Variants in TMEM45A observed in about 807,000 individuals in gnomAD.
TMEM45A encodes the protein transmembrane protein 45A.
TMEM45A carries 25 observed loss-of-function variants against 32.0 expected under a neutral mutation model. That is an observed-to-expected ratio of 0.78 (90% CI 0.57 to 1.09). TMEM45A has a LOEUF of 1.09. TMEM45A is among the 50% of genes least tolerant of loss of function. The probability of loss-of-function intolerance (pLI) is 0.00; values close to 1 mark genes in which losing one functional copy is unlikely to be tolerated. For synonymous variants in TMEM45A, 122 were observed against 114.8 expected, an observed-to-expected ratio of 1.06 and a Z score of -0.40; for missense variants, 302 against 325.0, an observed-to-expected ratio of 0.93 and a Z score of 0.54.
At chr3:100,540,009 A>G (rs138989211) in intron 1 of TMEM45A, among the ~76,000 whole-genome samples, 10 of 152,384 alleles carry the variant, frequency 6.6e-5, no homozygotes, top group African/African-American at 2.4e-4. Context: ...TAAAACTTCT[A>G]AAAGATAACA....
intron 1 of TMEM45A, among the ~76,000 whole-genome samples, chr3:100,546,730 C>T (rs1315669071): frequency 2.6e-5 from 4 of 152,170 alleles, no homozygotes; most frequent in Non-Finnish European, 5.9e-5. Context: ...GAAGGAGATG[C>T]CTTTTTCCCT....
chr3:100,532,628 AATTGTTC>A lies in TMEM45A; in HGVS notation c.-3-22573_-3-22567del, dbSNP rs148470878. Reference sequence around the variant, plus strand: ...ATTTGATACAGAGCCAGCATTTGATAATTGTTCATTGTTCTTGTTATGGTTGTTATAG... The same window carrying A: ...ATTTGATACAGAGCCAGCATTTGATAATTGTTCTTGTTATGGTTGTTATAG... On this transcript the variant is annotated intron_variant, in intron 1 of 5. Transcript: ENST00000323523. Among the ~76,000 whole-genome samples, 1,882 of 152,244 alleles carry A rather than the reference AATTGTTC, an allele frequency of 0.012. 219 individuals are homozygous for A. In the East Asian group the frequency reaches 0.31, roughly 25 times the overall value.
At chr3:100,511,458 G>C (rs1708158329) in intron 1 of TMEM45A, among the ~76,000 whole-genome samples, 1 of 151,646 alleles carries the variant, frequency 6.6e-6, no homozygotes. Context: ...TGCCCTAAAA[G>C]AGCTCCTGAA....
At chr3:100,519,432 A>G (rs1333477260) in intron 1 of TMEM45A, 4 of 738,278 alleles carry the variant, frequency 5.4e-6, no homozygotes, top group African/African-American at 5.3e-5. Flanking sequence ...TAAGATGTCA[A>G]GTTTCAGCCT....
At chr3:100,543,009 G>C (rs1361308480) in intron 1 of TMEM45A, among the ~76,000 whole-genome samples, 1 of 152,070 alleles carries the variant, frequency 6.6e-6, no homozygotes, top group Non-Finnish European at 1.5e-5. Context: ...AGGTAACAAA[G>C]CTCCACATGT....
intron 1 of TMEM45A, among the ~76,000 whole-genome samples, chr3:100,528,945 G>A (rs1204928327): frequency 6.6e-6 from 1 of 152,124 alleles, no homozygotes; most frequent in Non-Finnish European, 1.5e-5. Flanking sequence ...TTTCATATGA[G>A]GCCTTAAGGG....
chr3:100,574,798 T>A (rs1706647871), intron 5 of TMEM45A: 1 of 152,230 alleles, frequency 6.6e-6, no homozygotes, highest in African/African-American at 2.4e-5. Context: ...GATAATAGAT[T>A]TATGTTGCAG....
rs181673857 is a variant in TMEM45A, at chr3:100,566,959, C to T, written c.589-1863C>T. 3.3e-3 allele frequency among the ~76,000 whole-genome samples: 496 copies of T among 151,634 alleles called. 3 individuals are homozygous for T. The Middle Eastern group carries it at 0.034, about 10-fold the overall frequency. ...TGTCTTTTCATTTTCTTAATAGTGT[C>T]CTTTGAAGCACAAAAGTTAATTTTG... On this transcript the variant is annotated intron_variant, in intron 4 of 5. Transcript: ENST00000323523.
chr3:100,526,011 C>T (rs892275445), intron 1 of TMEM45A, among the ~76,000 whole-genome samples: 11 of 152,190 alleles, frequency 7.2e-5, no homozygotes, highest in African/African-American at 2.2e-4. Flanking sequence ...TGTTCTCTCC[C>T]GCGGCTCTGA....
chr3:100,533,375 C>T (rs993231001), intron 1 of TMEM45A, among the ~76,000 whole-genome samples: 10 of 152,148 alleles, frequency 6.6e-5, no homozygotes, highest in African/African-American at 1.4e-4. Context: ...CTGAGAATCA[C>T]GGCTCTAGTA....
rs115019115 is a variant in TMEM45A at position 100,565,152 on chromosome 3, A to G, written c.589-3670A>G. On this transcript the variant is annotated intron_variant, in intron 4 of 5. Coordinates refer to ENST00000323523, the MANE Select transcript of TMEM45A (RefSeq NM_018004.3). Reference sequence around the variant, plus strand: ...AAGTTGTTGAAGTCCTTGAGTTCCAATCTTTTCCTACGACATACGAGGATG... The same window carrying G: ...AAGTTGTTGAAGTCCTTGAGTTCCAGTCTTTTCCTACGACATACGAGGATG... Among the ~76,000 whole-genome samples the G allele has an allele frequency of 5.0e-3, 765 of 152,250 alleles. 7 individuals are homozygous for G. Among genetic ancestry groups the G allele is most frequent in the African/African-American group, 0.018 (731 of 41,552 alleles).
At chr3:100,568,234 T>C (rs1399634978) in intron 4 of TMEM45A, among the ~76,000 whole-genome samples, 1 of 152,250 alleles carries the variant, frequency 6.6e-6, no homozygotes, top group Non-Finnish European at 1.5e-5. Context: ...AATTTCTATA[T>C]ATAAGATCAT....
chr3:100,563,373 C>G (rs1441864568), intron 4 of TMEM45A, among the ~76,000 whole-genome samples: 1 of 152,174 alleles, frequency 6.6e-6, no homozygotes, highest in African/African-American at 2.4e-5. Flanking sequence ...TTCAGAGATA[C>G]TGGGAGTTAG....
intron 1 of TMEM45A, among the ~76,000 whole-genome samples, chr3:100,522,813 A>G (rs1367326986): frequency 2.0e-5 from 3 of 152,164 alleles, no homozygotes; most frequent in African/African-American, 7.2e-5. Context: ...ATAGACCACA[A>G]TCTCAAGGTG....
Position 100,505,811 on chromosome 3 carries a change from G to A in TMEM45A, c.-4+12883G>A, listed in dbSNP as rs945007637. On this transcript the variant is annotated intron_variant, in intron 1 of 5. Coordinates refer to ENST00000323523, the MANE Select transcript of TMEM45A (RefSeq NM_018004.3). ...TCTAAGAAATAGGAGACAAAAAGGCGTACACTCGGACTGCTCCAGCTTACT... is the reference window on the plus strand; with the variant it reads ...TCTAAGAAATAGGAGACAAAAAGGCATACACTCGGACTGCTCCAGCTTACT... Among the ~76,000 whole-genome samples the A allele has an allele frequency of 7.9e-5, 12 of 152,288 alleles. No individual in the cohort carries two copies. The East Asian group carries it at 1.9e-3, about 24-fold the overall frequency.
intron 2 of TMEM45A, among the ~76,000 whole-genome samples, chr3:100,556,259 G>A (rs1248502944): frequency 6.6e-6 from 1 of 152,140 alleles, no homozygotes; most frequent in Non-Finnish European, 1.5e-5. Context: ...GGGATTATAG[G>A]TGTGAGCCAC....
At chr3:100,574,782 T>C (rs142232618) in intron 5 of TMEM45A, 1 of 152,346 alleles carries the variant, frequency 6.6e-6, no homozygotes, top group African/African-American at 2.4e-5. Context: ...GTTTGCTGTT[T>C]TAATAGATAA....
intron 1 of TMEM45A, among the ~76,000 whole-genome samples, chr3:100,541,319 T>A (rs1705870529): frequency 6.6e-6 from 1 of 152,178 alleles, no homozygotes; most frequent in Non-Finnish European, 1.5e-5. Flanking sequence ...CTGCAGAAGA[T>A]CTTTAGTTTA....
At chr3:100,575,190 A>G (rs1263071570) in intron 5 of TMEM45A, among the ~76,000 whole-genome samples, 1 of 152,166 alleles carries the variant, frequency 6.6e-6, no homozygotes, top group Non-Finnish European at 1.5e-5. Flanking sequence ...TGATATGGTC[A>G]CAGCACAATG....
Sources: gnomAD v4.1 joint callset for allele counts (sites outside exome capture counted in the v4.1 genomes callset) on GRCh38, gnomAD v4.1.1 for gene constraint, MANE v1.5 for transcripts, NCBI Gene and HGNC (gene_info 2026-07-23, HGNC 2026-07-21) for gene names.